The following IL1RAPL2 variants were observed in gnomAD, a reference collection of about 807,000 sequenced individuals.
IL1RAPL2 encodes interleukin 1 receptor accessory protein like 2.
Under a neutral mutation model 44.1 loss-of-function variants are expected in IL1RAPL2, and 3 were observed. The observed-to-expected ratio is 0.07, with a 90% CI of 0.03 to 0.18. The LOEUF (loss-of-function observed/expected upper bound fraction) is 0.18. IL1RAPL2 is among the 10% of genes least tolerant of loss of function. The probability of loss-of-function intolerance (pLI) is 1.00; values close to 1 mark genes in which losing one functional copy is unlikely to be tolerated. For synonymous variants in IL1RAPL2, 181 were observed against 178.8 expected, an observed-to-expected ratio of 1.01 and a Z score of -0.10; for missense variants, 391 against 496.4, an observed-to-expected ratio of 0.79 and a Z score of 2.02.
At chrX:105,739,016 A>G (rs1403630426) in intron 7 of IL1RAPL2, among the ~76,000 whole-genome samples, 5 of 110,915 alleles carry the variant, frequency 4.5e-5, no homozygotes, top group African/African-American at 1.6e-4. Flanking sequence ...AGAAAAGCAG[A>G]GAGCAGGCTT....
chrX:104,893,049 C>T (rs930758852), intron 2 of IL1RAPL2, among the ~76,000 whole-genome samples: 1 of 111,650 alleles, frequency 9.0e-6, no homozygotes, highest in African/African-American at 3.3e-5. Flanking sequence ...CGTTACGTAC[C>T]CAGTAGTCAT....
chrX:104,816,262 T>C (rs1921131862), intron 2 of IL1RAPL2, among the ~76,000 whole-genome samples: 1 of 112,090 alleles, frequency 8.9e-6, no homozygotes, highest in Non-Finnish European at 1.9e-5. Flanking sequence ...TCTGTACTCC[T>C]TATCCTGGGT....
At chrX:105,514,372 A>G (rs1475903385) in intron 6 of IL1RAPL2, among the ~76,000 whole-genome samples, 2 of 112,226 alleles carry the variant, frequency 1.8e-5, no homozygotes, top group African/African-American at 6.5e-5. Context: ...ACCCTGCTGA[A>G]TCTTCAGCAA....
At chrX:104,813,794 G>C (rs1254175846) in intron 2 of IL1RAPL2, among the ~76,000 whole-genome samples, 1 of 111,662 alleles carries the variant, frequency 9.0e-6, no homozygotes, top group Non-Finnish European at 1.9e-5. Flanking sequence ...AGACTCTCCT[G>C]GTAGGCAAGA....
chrX:104,750,653 C>CT (rs1405156595), intron 2 of IL1RAPL2, among the ~76,000 whole-genome samples: 1 of 110,646 alleles, frequency 9.0e-6, no homozygotes, highest in African/African-American at 3.3e-5. Context: ...GTGCACTTGC[C>CT]TAAAAATAGA....
At chrX:105,010,864 A>T (rs1031370146) in intron 2 of IL1RAPL2, among the ~76,000 whole-genome samples, 4 of 111,602 alleles carry the variant, frequency 3.6e-5, no homozygotes, top group Admixed American at 9.6e-5. Flanking sequence ...ATTATTTCTT[A>T]AAAAAATCTC....
At chrX:104,922,193 C>T (rs6616556) in intron 2 of IL1RAPL2, among the ~76,000 whole-genome samples, 4 of 112,508 alleles carry the variant, frequency 3.6e-5, no homozygotes, top group African/African-American at 1.3e-4. Flanking sequence ...TCAGGAACAC[C>T]CTAGTACTTC....
intron 2 of IL1RAPL2, among the ~76,000 whole-genome samples, chrX:104,724,036 T>C (rs956943800): frequency 3.6e-5 from 4 of 111,710 alleles, no homozygotes; most frequent in African/African-American, 1.3e-4. Context: ...ATACAGGAGA[T>C]AATTGAAAAT....
chrX:105,336,346 T>C (rs1602363575), intron 5 of IL1RAPL2, among the ~76,000 whole-genome samples: 1 of 112,650 alleles, frequency 8.9e-6, no homozygotes, highest in East Asian at 2.8e-4. Flanking sequence ...TGTGGCCTAA[T>C]GTTCTTGCCT....
At chrX:105,735,778 C>T (rs2038442731) in intron 7 of IL1RAPL2, among the ~76,000 whole-genome samples, 1 of 111,454 alleles carries the variant, frequency 9.0e-6, no homozygotes, top group Non-Finnish European at 1.9e-5. Context: ...TTTAATGTTT[C>T]TATTTCTTGT....
chrX:105,598,905 G>C (rs2037231178), intron 6 of IL1RAPL2, among the ~76,000 whole-genome samples: 1 of 112,468 alleles, frequency 8.9e-6, no homozygotes, highest in South Asian at 3.7e-4. Flanking sequence ...GGGATCTACT[G>C]CTCTTTGTTA....
chrX:105,739,194 T>C (rs913106461), intron 7 of IL1RAPL2, among the ~76,000 whole-genome samples: 1 of 111,409 alleles, frequency 9.0e-6, no homozygotes, highest in Non-Finnish European at 1.9e-5. Context: ...AATGCCATGA[T>C]GCAAAAATCC....
intron 2 of IL1RAPL2, among the ~76,000 whole-genome samples, chrX:104,846,007 A>G (rs1046451888): frequency 5.4e-5 from 6 of 111,283 alleles, no homozygotes; most frequent in Admixed American, 9.6e-5. Context: ...AAATCTACCT[A>G]GAGTCCATTA....
At chrX:105,719,899 A>C (rs1024077884) in intron 7 of IL1RAPL2, among the ~76,000 whole-genome samples, 1 of 111,988 alleles carries the variant, frequency 8.9e-6, no homozygotes. Context: ...ATTTTAATTT[A>C]ATATTTATTT....
chrX:104,594,679 T>A (rs1358872), intron 1 of IL1RAPL2, among the ~76,000 whole-genome samples: 3,652 of 111,897 alleles, frequency 0.033, 142 homozygotes, highest in African/African-American at 0.11. Flanking sequence ...ATGGAGGTAA[T>A]GACCATGAAG....
chrX:105,705,953 T>C (rs773298516), intron 6 of IL1RAPL2, among the ~76,000 whole-genome samples: 11 of 111,614 alleles, frequency 9.9e-5, no homozygotes, highest in Non-Finnish European at 1.5e-4. Flanking sequence ...TATGAAGTAA[T>C]TAATAGTGTG....
chrX:105,556,407 G>T (rs747347658), intron 6 of IL1RAPL2, among the ~76,000 whole-genome samples: 1 of 111,071 alleles, frequency 9.0e-6, no homozygotes, highest in African/African-American at 3.3e-5. Context: ...CCACAAAATG[G>T]AATTAGAACA....
intron 2 of IL1RAPL2, among the ~76,000 whole-genome samples, chrX:104,911,096 G>A (rs1220734709): frequency 9.0e-6 from 1 of 111,451 alleles, no homozygotes; most frequent in Non-Finnish European, 1.9e-5. Context: ...AGAAAAATTA[G>A]AAAACCTTCA....
chrX:105,422,156 G>A (rs778229770), intron 5 of IL1RAPL2, among the ~76,000 whole-genome samples: 44 of 111,859 alleles, frequency 3.9e-4, no homozygotes, highest in African/African-American at 3.2e-5. Context: ...GGCTTTGATG[G>A]AATTTTGTTT....
Sources: allele counts gnomAD v4.1 joint callset (sites outside exome capture counted in the v4.1 genomes callset), GRCh38; gene constraint gnomAD v4.1.1; transcripts MANE v1.5; gene names NCBI Gene and HGNC (gene_info 2026-07-23, HGNC 2026-07-21).